ZNF559: variants seen among roughly 807,000 people sequenced by gnomAD.
The protein encoded by ZNF559 is zinc finger protein 559.
Under a neutral mutation model 14.2 loss-of-function variants are expected in ZNF559, and 17 were observed. That is an observed-to-expected ratio of 1.20 (90% CI 0.82 to 1.80). The LOEUF is 1.80. Among genes scored for constraint, ZNF559 ranks in the 40% most tolerant of loss-of-function variants. The probability of loss-of-function intolerance (pLI) is 0.00; values close to 1 mark genes in which losing one functional copy is unlikely to be tolerated. For synonymous variants in ZNF559, 244 were observed against 212.4 expected (o/e 1.15, Z -1.29); for missense variants, 740 against 629.7 (o/e 1.18, Z -1.88).
At chr19:9,328,127 CTT>C (rs905253501) in intron 2 of ZNF559, among the ~76,000 whole-genome samples, 67 of 152,140 alleles carry the variant, frequency 4.4e-4, no homozygotes, top group Middle Eastern at 3.4e-3. Flanking sequence ...TCTCTTATCT[CTT>C]ATAATAAAGA....
intron 2 of ZNF559, chr19:9,330,221 A>G (rs1417771125): frequency 6.6e-6 from 1 of 152,144 alleles, no homozygotes; most frequent in East Asian, 1.9e-4. Context: ...TGTATGTAGT[A>G]AGTCATTTTT....
chr19:9,330,300 A>G (rs1320161755), intron 2 of ZNF559: 1 of 152,114 alleles, frequency 6.6e-6, no homozygotes, highest in Admixed American at 6.5e-5. Context: ...ATTAGTTTAG[A>G]TCTCTTTCAG....
chr19:9,343,043 C>G lies in ZNF559; in HGVS notation c.1592C>G (p.Ser531Cys), dbSNP rs2067652968. 6.2e-7 allele frequency: 1 copy of G among 1,612,282 alleles called. No individual in the cohort carries two copies. Among genetic ancestry groups the G allele is most frequent in the South Asian group, 1.1e-5 (1 of 90,912 alleles). ...YKECGQTFSNSSCLTECV is the reference protein window; with the variant it reads ...YKECGQTFSNCSCLTECV ...GAATGTGGGCAAACCTTTAGTAATT[C>G]CTCATGCCTTACTGAATGTGTGTGA... is the stretch of plus-strand genomic sequence containing the variant. Residue 531 changes from serine to cysteine, a missense_variant, in exon 7 of 7, where the codon TCC (serine) becomes TGC (cysteine). Physicochemically the swap from Ser to Cys is moderately radical, Grantham distance 112 (BLOSUM62 -1). Coordinates refer to ENST00000603380, the MANE Select transcript of ZNF559 (RefSeq NM_032497.3).
chr19:9,343,129 A>G lies in ZNF559; in HGVS notation c.*61A>G, dbSNP rs2067655614. On this transcript the variant is annotated 3_prime_UTR_variant, in exon 7 of 7. Coordinates refer to ENST00000603380, the MANE Select transcript of ZNF559 (RefSeq NM_032497.3). Reference sequence around the variant, plus strand: ...CACTACTTCCTCACACTTACTGAACATGTACTCATTCATAGTGGCAATGTA... The same window carrying G: ...CACTACTTCCTCACACTTACTGAACGTGTACTCATTCATAGTGGCAATGTA... 1.9e-6 allele frequency: 3 copies of G among 1,549,418 alleles called. No individual in the cohort carries two copies. The highest frequency in any genetic ancestry group is 1.7e-6 in the Non-Finnish European group (2 of 1,154,430).
rs183514483 is a variant in ZNF559, at chr19:9,325,468, G to A, written c.-120+688G>A. ...AAAAGAAGAAAAAAAAACAAATACTGATCTAGAGAACATCTGTAGCTCGAG... is the reference window on the plus strand; with the variant it reads ...AAAAGAAGAAAAAAAAACAAATACTAATCTAGAGAACATCTGTAGCTCGAG... On this transcript the variant is annotated intron_variant, in intron 2 of 6. Coordinates refer to ENST00000603380, the MANE Select transcript of ZNF559 (RefSeq NM_032497.3). Among the ~76,000 whole-genome samples the A allele has an allele frequency of 2.0e-5, 3 of 151,398 alleles. No individual in the cohort carries two copies. The East Asian group carries it at 5.9e-4, about 30-fold the overall frequency.
Position 9,343,723 on chromosome 19 carries a change from A to G in ZNF559, c.*655A>G. ...AACCTGACTGTATGGAAGGTCAAAA[A>G]GGCTGTATTAATTTACATGCAAAAA... is the stretch of plus-strand genomic sequence containing the variant. On this transcript the variant is annotated 3_prime_UTR_variant, in exon 7 of 7. Coordinates refer to ENST00000603380, the MANE Select transcript of ZNF559 (RefSeq NM_032497.3). 6 of 986,230 alleles carry G rather than the reference A, an allele frequency of 6.1e-6. No individual in the cohort carries two copies. Among genetic ancestry groups the G allele is most frequent in the Non-Finnish European group, 7.2e-6 (6 of 830,510 alleles). 61.1% of individuals were successfully genotyped at this position (986,230 alleles called of 1,614,324 possible).
intron 2 of ZNF559, among the ~76,000 whole-genome samples, chr19:9,336,839 A>G (rs1008115994): frequency 6.6e-6 from 1 of 152,136 alleles, no homozygotes; most frequent in Admixed American, 6.5e-5. Flanking sequence ...GGAGCTAAAG[A>G]TGTCTAAATT....
At chr19:9,336,331 C>T (rs2067235934) in intron 2 of ZNF559, among the ~76,000 whole-genome samples, 1 of 152,108 alleles carries the variant, frequency 6.6e-6, no homozygotes, top group African/African-American at 2.4e-5. Flanking sequence ...GTGGCTCATG[C>T]TTATAATCCT....
intron 2 of ZNF559, among the ~76,000 whole-genome samples, chr19:9,331,844 A>C (rs1362243924): frequency 1.3e-5 from 2 of 152,190 alleles, no homozygotes; most frequent in South Asian, 2.1e-4. Flanking sequence ...TTTTTATGAT[A>C]TATTACTTAT....
At chr19:9,324,322 G>T in intron 1 of ZNF559, 94 bp downstream of exon 1, 9 of 1,532,200 alleles carry the variant, frequency 5.9e-6, no homozygotes, top group Non-Finnish European at 7.9e-6. Flanking sequence ...GTGAAATGGA[G>T]CCTGTCCCGT....
chr19:9,334,648 C>CT (rs1272349339), intron 2 of ZNF559, among the ~76,000 whole-genome samples: 1 of 152,072 alleles, frequency 6.6e-6, no homozygotes, highest in African/African-American at 2.4e-5. Context: ...TGCATTATAC[C>CT]TTTGTAATTC....
At position 9,341,902 on chromosome 19, in the gene ZNF559, C is replaced by A. The variant is rs1301204638; in HGVS notation, c.451C>A (p.Gln151Lys). The A allele has an allele frequency of 1.2e-6, 2 of 1,612,022 alleles. No homozygotes were observed. Among genetic ancestry groups the A allele is most frequent in the Non-Finnish European group, 1.7e-6 (2 of 1,179,466 alleles). The change falls in exon 7 of 7, where the codon CAA (glutamine) becomes AAA (lysine). Residue 151 changes from glutamine to lysine, a missense_variant. Physicochemically the swap from Gln to Lys is moderately conservative, Grantham distance 53 (BLOSUM62 1). Transcript: ENST00000603380. Reference sequence around the variant, plus strand: ...CGGAGAGGAACTTCCTAACTGTAATCAATGTGAAACAGCCTTCAGCCAACA... The same window carrying A: ...CGGAGAGGAACTTCCTAACTGTAATAAATGTGAAACAGCCTTCAGCCAACA... ...DIGEELPNCN[Q>K]CETAFSQHLH... is the part of the protein sequence containing the mutation.
At chr19:9,330,056 C>T (rs973512381) in intron 2 of ZNF559, 1 of 152,146 alleles carries the variant, frequency 6.6e-6, no homozygotes, top group Admixed American at 6.6e-5. Context: ...CTTGTTATTA[C>T]CATTTACTTC....
chr19:9,335,363 A>G (rs182106506), intron 2 of ZNF559, among the ~76,000 whole-genome samples: 311 of 152,092 alleles, frequency 2.0e-3, no homozygotes, highest in African/African-American at 7.3e-3. Flanking sequence ...GCTACTCAGA[A>G]AGCTGGGGTA....
chr19:9,324,761 G>A lies in ZNF559; in HGVS notation c.-139G>A. 1 of 1,535,894 alleles carries A rather than the reference G, an allele frequency of 6.5e-7. No individual in the cohort carries two copies. The highest frequency in any genetic ancestry group is 8.7e-7 in the Non-Finnish European group (1 of 1,146,826). On this transcript the variant is annotated 5_prime_UTR_variant, in exon 2 of 7. Transcript: ENST00000603380. ...GGTGTCCTCCTGGCCTCAGCAACCT[G>A]ACAATTCTGTCGTGTCCCGGTGAGC...
intron 2 of ZNF559, among the ~76,000 whole-genome samples, chr19:9,331,245 T>C (rs2066920703): frequency 6.6e-6 from 1 of 152,164 alleles, no homozygotes. Flanking sequence ...GAAGAAATAA[T>C]GTGCCACCAT....
At chr19:9,323,774 T>G, upstream of ZNF559, 1 of 185,376 alleles carries the variant, frequency 5.4e-6, no homozygotes. Flanking sequence ...TACCGCTTCA[T>G]TTACAGGAGG....
intron 1 of ZNF559, chr19:9,324,467 C>G (rs1378836361): frequency 7.0e-7 from 1 of 1,421,600 alleles, no homozygotes; most frequent in Non-Finnish European, 9.2e-7. Context: ...GCGGGGGGCA[C>G]GGCCTTTCCA....
chr19:9,326,214 A>G (rs2066594908), intron 2 of ZNF559, among the ~76,000 whole-genome samples: 1 of 140,494 alleles, frequency 7.1e-6, no homozygotes, highest in South Asian at 2.2e-4. Context: ...CGTTCAAGCG[A>G]TTCTCCTGAC....
Sources: gnomAD v4.1 joint callset for allele counts (sites outside exome capture counted in the v4.1 genomes callset) on GRCh38, gnomAD v4.1.1 for gene constraint, MANE v1.5 for transcripts, NCBI Gene and HGNC (gene_info 2026-07-23, HGNC 2026-07-21) for gene names.